Variants in CERS3 observed in about 807,000 individuals in gnomAD.
CERS3 encodes LAG1 homolog, ceramide synthase 3.
In CERS3, 33 loss-of-function variants were observed where a neutral mutation model predicts 50.3. The ratio of observed to expected loss-of-function variants is 0.66; its 90% CI spans 0.50 to 0.88. The LOEUF (loss-of-function observed/expected upper bound fraction) is 0.88, where lower values mean the gene tolerates loss of function less well. CERS3 is among the 40% of genes least tolerant of loss of function. The pLI is 0.00. For missense variants in CERS3, 470 were observed against 460.3 expected (o/e 1.02, Z -0.19); for synonymous variants, 176 against 155.2 (o/e 1.13, Z -0.99).
At chr15:100,530,721 C>A (rs989654977), upstream of CERS3, among the ~76,000 whole-genome samples, 3 of 152,160 alleles carry the variant, frequency 2.0e-5, no homozygotes, top group Admixed American at 2.0e-4. Context: ...CCGGGGATAT[C>A]TCGGGAAAAG....
At chr15:100,509,759 G>A (rs1360253545) in intron 2 of CERS3, among the ~76,000 whole-genome samples, 2 of 152,148 alleles carry the variant, frequency 1.3e-5, no homozygotes, top group Non-Finnish European at 2.9e-5. Context: ...GCTCGCTATT[G>A]CCTACTCAGA....
chr15:100,518,887 G>C (rs1025837449), intron 2 of CERS3, among the ~76,000 whole-genome samples: 2 of 152,186 alleles, frequency 1.3e-5, no homozygotes, highest in South Asian at 2.1e-4. Context: ...CACCTGGCTG[G>C]GTGTGGTGGC....
At chr15:100,542,927 T>C (rs2037236246) in intron 1 of CERS3, among the ~76,000 whole-genome samples, 1 of 152,126 alleles carries the variant, frequency 6.6e-6, no homozygotes, top group Non-Finnish European at 1.5e-5. Context: ...TGTTTGTTTG[T>C]TTTTGAGATG....
intron 10 of CERS3, among the ~76,000 whole-genome samples, chr15:100,466,711 G>A (rs1258480832): frequency 2.0e-5 from 3 of 151,518 alleles, no homozygotes; most frequent in Admixed American, 6.6e-5. Context: ...GCATCAGCCA[G>A]CTGATTTTCT....
At chr15:100,419,488 C>T (rs1196960660) in intron 11 of CERS3, among the ~76,000 whole-genome samples, 2 of 140,920 alleles carry the variant, frequency 1.4e-5, no homozygotes, top group African/African-American at 5.4e-5. Context: ...TAATGGGAGA[C>T]TTTAATACCC....
intron 5 of CERS3, among the ~76,000 whole-genome samples, chr15:100,482,347 G>A (rs557648943): frequency 6.6e-6 from 1 of 152,164 alleles, no homozygotes; most frequent in Non-Finnish European, 1.5e-5. Context: ...CAGCCAGGGA[G>A]GAATGGGCAG....
intron 1 of CERS3, among the ~76,000 whole-genome samples, chr15:100,538,605 G>A (rs2037128544): frequency 6.6e-6 from 1 of 152,176 alleles, no homozygotes; most frequent in African/African-American, 2.4e-5. Flanking sequence ...TGGCATGCAG[G>A]GCACCAAGTC....
chr15:100,526,630 A>T (rs148366989), intron 1 of CERS3, among the ~76,000 whole-genome samples: 2 of 152,234 alleles, frequency 1.3e-5, no homozygotes, highest in African/African-American at 4.8e-5. Flanking sequence ...TAGGACATTC[A>T]TTACTTTAAG....
At position 100,402,209 on chromosome 15, in the gene CERS3, G is replaced by A. The variant is rs1656332456; in HGVS notation, c.*504C>T. On this transcript the variant is annotated 3_prime_UTR_variant, in exon 12 of 12. Coordinates refer to ENST00000679737, the MANE Select transcript of CERS3 (RefSeq NM_001378789.1). ...CAGGCAGGGACTGCCACCGCCCTGT[G>A]GAGATGAGGCACCTAAGCTTCAGGA... The A allele has an allele frequency of 6.5e-6, 1 of 154,644 alleles. No individual in the cohort carries two copies. The highest frequency in any genetic ancestry group is 1.4e-5 in the Non-Finnish European group (1 of 69,744). The allele number at this position is 154,644 out of a possible 1,614,324, so 9.6% of individuals were successfully genotyped here.
chr15:100,542,697 G>A (rs1452800055), intron 1 of CERS3, among the ~76,000 whole-genome samples: 1 of 151,920 alleles, frequency 6.6e-6, no homozygotes, highest in Admixed American at 6.6e-5. Flanking sequence ...ATTTGTCTTG[G>A]TTCAAACTCA....
intron 11 of CERS3, among the ~76,000 whole-genome samples, chr15:100,437,107 C>G (rs887240484): frequency 6.6e-6 from 1 of 151,992 alleles, no homozygotes; most frequent in Non-Finnish European, 1.5e-5. Flanking sequence ...CCATGCCCGG[C>G]TAATTTTTTT....
rs540505822 is a variant in CERS3 at position 100,441,858 on chromosome 15, G to A, written c.999+14035C>T. Reference sequence around the variant, plus strand: ...CCCAAATCTTCCTTCTTTCCCTCCCGCCTGTCCCCTCAGTCCCAACCCCAA... The same window carrying A: ...CCCAAATCTTCCTTCTTTCCCTCCCACCTGTCCCCTCAGTCCCAACCCCAA... On this transcript the variant is annotated intron_variant, in intron 11 of 11. Coordinates refer to ENST00000679737, the MANE Select transcript of CERS3 (RefSeq NM_001378789.1). Among the ~76,000 whole-genome samples, 572 of 150,324 alleles carry A rather than the reference G, an allele frequency of 3.8e-3. 6 individuals are homozygous for A. The highest frequency in any genetic ancestry group is 6.3e-3 in the Non-Finnish European group (426 of 67,520).
intron 4 of CERS3, 106 bp from the exon 5 acceptor site, chr15:100,484,774 G>C (rs1381191097): frequency 5.0e-6 from 4 of 794,210 alleles, no homozygotes; most frequent in Non-Finnish European, 8.5e-6. Flanking sequence ...CTGGGGATGA[G>C]AGAAATTCTG....
chr15:100,522,217 G>A (rs1299010780), intron 1 of CERS3, among the ~76,000 whole-genome samples: 1 of 152,202 alleles, frequency 6.6e-6, no homozygotes, highest in Admixed American at 6.5e-5. Flanking sequence ...ATTACAGTTT[G>A]TCATAGCACA....
chr15:100,492,721 G>T (rs954044054), intron 3 of CERS3, among the ~76,000 whole-genome samples: 21 of 152,192 alleles, frequency 1.4e-4, no homozygotes, highest in Admixed American at 1.4e-3. Context: ...TAGGATTTAT[G>T]TCTGCCATTT....
intron 1 of CERS3, among the ~76,000 whole-genome samples, chr15:100,525,637 A>G (rs2036764816): frequency 1.3e-5 from 2 of 152,230 alleles, no homozygotes; most frequent in Admixed American, 6.5e-5. Context: ...TTACAAGGTC[A>G]AAGATTCTTA....
intron 11 of CERS3, 49 bp downstream of exon 11, chr15:100,455,844 A>G: frequency 7.5e-7 from 1 of 1,338,434 alleles, no homozygotes; most frequent in Non-Finnish European, 1.0e-6. Context: ...GGGCCTCACC[A>G]TTAACCTGGC....
At chr15:100,492,889 G>A (rs901179932) in intron 3 of CERS3, among the ~76,000 whole-genome samples, 1 of 151,678 alleles carries the variant, frequency 6.6e-6, no homozygotes, top group African/African-American at 2.4e-5. Flanking sequence ...ATTCACTTGG[G>A]GATTATAATT....
intron 11 of CERS3, among the ~76,000 whole-genome samples, chr15:100,407,612 G>A (rs890667042): frequency 2.0e-5 from 3 of 152,104 alleles, no homozygotes; most frequent in Non-Finnish European, 4.4e-5. Flanking sequence ...GTCAAAGTAA[G>A]ACTATACAGT....
Sources: allele counts gnomAD v4.1 joint callset (sites outside exome capture counted in the v4.1 genomes callset), GRCh38; gene constraint gnomAD v4.1.1; transcripts MANE v1.5; gene names NCBI Gene and HGNC (gene_info 2026-07-23, HGNC 2026-07-21).